The following FRMPD4 variants were observed in gnomAD, a reference collection of about 807,000 sequenced individuals.
The protein encoded by FRMPD4 is FERM and PDZ domain containing 4, also known as FERM and PDZ domain-containing protein 4.
A neutral mutation model predicts 94.1 loss-of-function variants in FRMPD4; 22 were observed. The observed-to-expected ratio is 0.23, with a 90% confidence interval of 0.17 to 0.33. The LOEUF is 0.33. FRMPD4 is among the 10% of genes least tolerant of loss of function. The pLI is 1.00. For missense variants in FRMPD4, 1,111 were observed against 1,339.9 expected (o/e 0.83, Z 2.67); for synonymous variants, 631 against 548.6 (o/e 1.15, Z -2.10).
chrX:12,295,255 G>A (rs1235148192), intron 1 of FRMPD4, among the ~76,000 whole-genome samples: 1 of 112,233 alleles, frequency 8.9e-6, no homozygotes, highest in African/African-American at 3.2e-5. Context: ...CTGCTTTGAT[G>A]AGACTGGAAT....
chrX:12,349,330 G>C (rs1180527928), intron 1 of FRMPD4, among the ~76,000 whole-genome samples: 1 of 110,747 alleles, frequency 9.0e-6, no homozygotes, highest in Non-Finnish European at 1.9e-5. Flanking sequence ...ACTGAAGATG[G>C]TGAGGAGGAT....
At chrX:12,564,663 G>A (rs2058694144) in intron 2 of FRMPD4, among the ~76,000 whole-genome samples, 1 of 111,808 alleles carries the variant, frequency 8.9e-6, no homozygotes, top group South Asian at 3.7e-4. Context: ...CAACTTCCAG[G>A]TTAAGGCTCG....
At chrX:12,651,595 A>G (rs376990304) in intron 4 of FRMPD4, among the ~76,000 whole-genome samples, 1 of 110,819 alleles carries the variant, frequency 9.0e-6, no homozygotes, top group African/African-American at 3.3e-5. Context: ...GCATATGTAT[A>G]AAAAAGGCTT....
At chrX:12,476,861 T>C (rs1601997363) in intron 1 of FRMPD4, among the ~76,000 whole-genome samples, 1 of 111,929 alleles carries the variant, frequency 8.9e-6, no homozygotes, top group South Asian at 3.8e-4. Flanking sequence ...TTTTACACTG[T>C]TGGTGGGACT....
intron 3 of FRMPD4, among the ~76,000 whole-genome samples, chrX:11,971,308 T>C (rs2054339035): frequency 8.9e-6 from 1 of 112,446 alleles, no homozygotes; most frequent in East Asian, 2.8e-4. Flanking sequence ...CCCTTACCAT[T>C]TCCTGTATTT....
intron 1 of FRMPD4, among the ~76,000 whole-genome samples, chrX:12,473,761 C>T (rs1179123484): frequency 1.8e-5 from 2 of 110,500 alleles, no homozygotes; most frequent in South Asian, 3.7e-4. Context: ...ACAAGAAGAG[C>T]TAACTATCCT....
intron 1 of FRMPD4, among the ~76,000 whole-genome samples, chrX:12,227,379 A>G (rs906953975): frequency 8.9e-6 from 1 of 112,290 alleles, no homozygotes; most frequent in Admixed American, 9.4e-5. Flanking sequence ...GCTAACAGGA[A>G]CTAGTTGAGA....
At chrX:11,972,312 A>G (rs1022693958) in intron 3 of FRMPD4, among the ~76,000 whole-genome samples, 3 of 111,711 alleles carry the variant, frequency 2.7e-5, no homozygotes, top group African/African-American at 9.8e-5. Context: ...CCAAGCCATA[A>G]TCTGGGATGA....
At chrX:12,478,470 C>T (rs956745632) in intron 1 of FRMPD4, among the ~76,000 whole-genome samples, 20 of 111,855 alleles carry the variant, frequency 1.8e-4, no homozygotes, top group Admixed American at 2.9e-4. Flanking sequence ...TGTGGCCCCA[C>T]TACTCAGGAG....
At chrX:12,662,363 C>G (rs924619884) in intron 4 of FRMPD4, among the ~76,000 whole-genome samples, 1 of 109,571 alleles carries the variant, frequency 9.1e-6, no homozygotes, top group Non-Finnish European at 1.9e-5. Context: ...CCCCCCACCC[C>G]CCGACAGGGC....
At chrX:11,915,742 C>A (rs1048249098) in intron 3 of FRMPD4, among the ~76,000 whole-genome samples, 6 of 111,860 alleles carry the variant, frequency 5.4e-5, no homozygotes, top group African/African-American at 2.0e-4. Context: ...AGATAGTGAA[C>A]TCACCTCTGG....
intron 3 of FRMPD4, among the ~76,000 whole-genome samples, chrX:12,020,223 C>A (rs902424818): frequency 8.9e-6 from 1 of 111,984 alleles, no homozygotes; most frequent in Non-Finnish European, 1.9e-5. Flanking sequence ...ATTTGTATCC[C>A]CCATAACCTT....
chrX:12,464,067 C>G (rs1406151257), intron 1 of FRMPD4, among the ~76,000 whole-genome samples: 1 of 111,624 alleles, frequency 9.0e-6, no homozygotes, highest in Non-Finnish European at 1.9e-5. Context: ...AAATAAATAT[C>G]TGGCCCATTG....
At chrX:12,263,644 G>C (rs1251562660) in intron 1 of FRMPD4, among the ~76,000 whole-genome samples, 1 of 111,584 alleles carries the variant, frequency 9.0e-6, no homozygotes. Flanking sequence ...TTAGGCCAAA[G>C]CCTGGGTAGC....
At chrX:12,613,643 T>A (rs1025420839) in intron 3 of FRMPD4, among the ~76,000 whole-genome samples, 2 of 111,280 alleles carry the variant, frequency 1.8e-5, no homozygotes, top group African/African-American at 6.5e-5. Context: ...CCCAGGATTT[T>A]GAGACCAGCC....
chrX:11,849,002 A>G (rs1343239442), intron 1 of FRMPD4, among the ~76,000 whole-genome samples: 1 of 111,481 alleles, frequency 9.0e-6, no homozygotes, highest in East Asian at 2.8e-4. Flanking sequence ...AAATTGGAAG[A>G]CAAGAAGGAA....
At chrX:12,302,433 T>C (rs1339668957) in intron 1 of FRMPD4, among the ~76,000 whole-genome samples, 1 of 112,219 alleles carries the variant, frequency 8.9e-6, no homozygotes, top group Non-Finnish European at 1.9e-5. Context: ...AGGTACTGCT[T>C]AAGCATATAG....
At chrX:11,907,082 T>C (rs1378389706) in intron 3 of FRMPD4, among the ~76,000 whole-genome samples, 1 of 111,393 alleles carries the variant, frequency 9.0e-6, no homozygotes, top group African/African-American at 3.2e-5. Flanking sequence ...CTAACATTAA[T>C]ATTAATATTT....
chrX:12,204,099 G>A, intron 1 of FRMPD4, among the ~76,000 whole-genome samples: 1 of 112,013 alleles, frequency 8.9e-6, no homozygotes. Flanking sequence ...GGGCAGTTTG[G>A]ATTCCCACGT....
Sources: allele counts gnomAD v4.1 joint callset (sites outside exome capture counted in the v4.1 genomes callset), GRCh38; gene constraint gnomAD v4.1.1; transcripts MANE v1.5; gene names NCBI Gene and HGNC (gene_info 2026-07-23, HGNC 2026-07-21).